The following NUP210L variants were observed in gnomAD, a reference collection of about 807,000 sequenced individuals.
The protein encoded by NUP210L is nucleoporin 210 like, also known as nuclear pore membrane glycoprotein 210-like.
Under a neutral mutation model 208.5 loss-of-function variants are expected in NUP210L, and 74 were observed. The ratio of observed to expected loss-of-function variants is 0.35; its 90% CI spans 0.29 to 0.43. The LOEUF (loss-of-function observed/expected upper bound fraction) is 0.43. NUP210L is among the 20% of genes least tolerant of loss of function. The probability of loss-of-function intolerance (pLI) is 1.00; values close to 1 mark genes in which losing one functional copy is unlikely to be tolerated. For synonymous variants in NUP210L, 780 were observed against 816.9 expected (o/e 0.95, Z 0.77); for missense variants, 1,843 against 2,289.4 (o/e 0.81, Z 3.98).
chr1:154,112,636 G>A (rs1473933094), intron 12 of NUP210L, among the ~76,000 whole-genome samples: 2 of 151,884 alleles, frequency 1.3e-5, no homozygotes, highest in Non-Finnish European at 1.5e-5. Flanking sequence ...CGGGAAGATC[G>A]CTTGAGCCCA....
chr1:154,095,223 A>G, intron 14 of NUP210L, 67 bp from the exon 15 acceptor site: 1 of 1,169,136 alleles, frequency 8.6e-7, no homozygotes, highest in South Asian at 1.3e-5. Flanking sequence ...AAAGTGAAAC[A>G]CTAGTTATCT....
At chr1:154,050,094 C>T (rs1653406166) in intron 25 of NUP210L, among the ~76,000 whole-genome samples, 1 of 152,094 alleles carries the variant, frequency 6.6e-6, no homozygotes, top group Non-Finnish European at 1.5e-5. Context: ...CGATTTCTTG[C>T]ACTGGTTTAA....
intron 15 of NUP210L, among the ~76,000 whole-genome samples, chr1:154,091,321 C>T (rs1198519031): frequency 1.3e-5 from 2 of 151,468 alleles, no homozygotes; most frequent in African/African-American, 4.8e-5. Flanking sequence ...ATCTCGAATT[C>T]CTGGCCTCAA....
chr1:154,148,496 G>C (rs1169309929), intron 2 of NUP210L, among the ~76,000 whole-genome samples: 1 of 152,028 alleles, frequency 6.6e-6, no homozygotes, highest in Non-Finnish European at 1.5e-5. Flanking sequence ...AGAAAAAAGT[G>C]ACTGAGAAAC....
intron 7 of NUP210L, among the ~76,000 whole-genome samples, chr1:154,134,423 CTTTTT>C (rs375962653): frequency 1.5e-5 from 2 of 129,768 alleles, no homozygotes; most frequent in Admixed American, 8.2e-5. Context: ...CTCCGTGTAC[CTTTTT>C]TTTTTTTTTT....
chr1:154,056,847 T>C, exon 23 of NUP210L: 1 of 1,594,968 alleles, frequency 6.3e-7, no homozygotes, highest in Non-Finnish European at 8.5e-7. Flanking sequence ...GTGTATTTTC[T>C]TCCCATCTTG....
chr1:154,073,371 A>G (rs766126987), intron 16 of NUP210L, among the ~76,000 whole-genome samples: 9 of 152,116 alleles, frequency 5.9e-5, no homozygotes, highest in Admixed American at 3.9e-4. Context: ...CAAAAAATAA[A>G]AAAGATTAGT....
rs200478782 is a variant in NUP210L, at chr1:154,135,983, T to C, written c.851-11A>G. The C allele has an allele frequency of 9.5e-6, 15 of 1,575,598 alleles. No homozygotes were observed. The East Asian group carries it at 3.1e-4, about 33-fold the overall frequency. ...GGGGAAATTTCACCTCTGTAAGACA[T>C]GAAAGATACATAAATGTAATGACAG... On this transcript the variant is annotated splice_polypyrimidine_tract_variant and intron_variant, in intron 6 of 39. Transcript: ENST00000368559.
intron 14 of NUP210L, among the ~76,000 whole-genome samples, chr1:154,098,077 C>T (rs1256120277): frequency 6.6e-6 from 1 of 152,232 alleles, no homozygotes; most frequent in Non-Finnish European, 1.5e-5. Context: ...CCAGCCACTG[C>T]AGTCAGGCAC....
chr1:154,026,391 C>T (rs1412047641), intron 29 of NUP210L, among the ~76,000 whole-genome samples: 1 of 152,128 alleles, frequency 6.6e-6, no homozygotes, highest in Non-Finnish European at 1.5e-5. Context: ...TTTTGTTGCC[C>T]AGGCTGGAGT....
intron 7 of NUP210L, among the ~76,000 whole-genome samples, chr1:154,129,576 TAGAA>T (rs1239936569): frequency 6.6e-6 from 1 of 152,208 alleles, no homozygotes; most frequent in Non-Finnish European, 1.5e-5. Flanking sequence ...TTGAGGAAGA[TAGAA>T]AGGGAGAAAA....
intron 25 of NUP210L, among the ~76,000 whole-genome samples, chr1:154,053,462 A>C (rs1455731256): frequency 6.6e-6 from 1 of 152,218 alleles, no homozygotes; most frequent in South Asian, 2.1e-4. Flanking sequence ...AACTGGCCCC[A>C]AAAATGGCCA....
In NUP210L at chr1:154,068,800, G is replaced by T. The variant is rs1183417014; in HGVS notation, c.2554+1473C>A. ...TGAGAACACATGGACACAGGAAGGG[G>T]AACATCACACTCTGGGGACTGTTGT... On this transcript the variant is annotated intron_variant, in intron 17 of 39. Transcript: ENST00000368559. 2.7e-5 allele frequency among the ~76,000 whole-genome samples: 4 copies of T among 148,054 alleles called. No homozygotes were observed. The Admixed American group carries it at 2.7e-4, about 10-fold the overall frequency.
In NUP210L at chr1:154,087,244, C is replaced by T. The variant is rs374957593; in HGVS notation, c.2361+2177G>A. On this transcript the variant is annotated intron_variant, in intron 16 of 39. Transcript: ENST00000368559. ...ATGAGGCAAGAGAATCATTTGAACC[C>T]GGGGGCTGGAGGTTGCAGTGAGCTG... Among the ~76,000 whole-genome samples the T allele has an allele frequency of 9.7e-4, 141 of 144,640 alleles. 3 individuals are homozygous for T. The highest frequency in any genetic ancestry group is 3.5e-3 in the African/African-American group (135 of 38,218). 94.9% of individuals were successfully genotyped at this position (144,640 alleles called of 152,430 possible).
chr1:154,079,031 T>A (rs946037552), intron 16 of NUP210L: 2 of 152,108 alleles, frequency 1.3e-5, no homozygotes, highest in African/African-American at 2.4e-5. Flanking sequence ...ACGTCTGTAA[T>A]CCCAGAACTT....
chr1:154,150,860 C>T (rs1016866543), intron 2 of NUP210L, among the ~76,000 whole-genome samples: 1 of 152,056 alleles, frequency 6.6e-6, no homozygotes, highest in Non-Finnish European at 1.5e-5. Context: ...TTCTCTTAGG[C>T]ATGCACTTCT....
intron 20 of NUP210L, 102 bp downstream of exon 20, chr1:154,060,438 T>TA: frequency 1.4e-6 from 1 of 711,458 alleles, no homozygotes; most frequent in Non-Finnish European, 2.4e-6. Context: ...AGGAAAATGT[T>TA]ACTTCTGTAA....
intron 2 of NUP210L, among the ~76,000 whole-genome samples, chr1:154,152,013 C>T (rs1261688359): frequency 6.9e-6 from 1 of 144,206 alleles, no homozygotes; most frequent in Non-Finnish European, 1.5e-5. Context: ...TCGCTTGAAC[C>T]TGGGAGACAG....
intron 9 of NUP210L, 109 bp from the exon 10 acceptor site, chr1:154,126,572 G>A: frequency 1.1e-6 from 1 of 943,402 alleles, no homozygotes; most frequent in African/African-American, 1.7e-5. Context: ...ATGGAATAAA[G>A]AGATAAAAAC....
Sources: gnomAD v4.1 joint callset for allele counts (sites outside exome capture counted in the v4.1 genomes callset) on GRCh38, gnomAD v4.1.1 for gene constraint, MANE v1.5 for transcripts, NCBI Gene and HGNC (gene_info 2026-07-23, HGNC 2026-07-21) for gene names.